Variants in PLCG2 observed in about 807,000 individuals in gnomAD.
PLCG2 encodes the protein phospholipase C gamma 2.
A neutral mutation model predicts 175.6 loss-of-function variants in PLCG2; 69 were observed. That is an observed-to-expected ratio of 0.39 (90% CI 0.32 to 0.48). The LOEUF (loss-of-function observed/expected upper bound fraction) is 0.48. Ranked by LOEUF, PLCG2 falls within the 20% of genes least tolerant of loss-of-function variation. The probability of loss-of-function intolerance (pLI) is 0.91; values close to 1 mark genes in which losing one functional copy is unlikely to be tolerated. For missense variants in PLCG2, 1,798 were observed against 1,650.9 expected (o/e 1.09, Z -1.54); for synonymous variants, 827 against 624.0 (o/e 1.33, Z -4.85).
chr16:81,907,227 G>C (rs1909412797), intron 15 of PLCG2, among the ~76,000 whole-genome samples: 1 of 151,896 alleles, frequency 6.6e-6, no homozygotes, highest in African/African-American at 2.4e-5. Flanking sequence ...CGTCATGCAT[G>C]ACAATAAAAC....
At chr16:81,783,470 T>G (rs4338799) in intron 1 of PLCG2, among the ~76,000 whole-genome samples, 152,174 of 152,266 alleles carry the variant, frequency 1, 76,041 homozygotes, top group Non-Finnish European at 1. Context: ...CTTTTGAGAG[T>G]GGCAAGTACT....
At chr16:81,866,217 A>G (rs1907227413) in intron 5 of PLCG2, among the ~76,000 whole-genome samples, 1 of 111,324 alleles carries the variant, frequency 9.0e-6, no homozygotes, top group African/African-American at 3.7e-5. Flanking sequence ...CACCAGCATG[A>G]GAGGACGCTG....
At chr16:81,812,751 G>T (rs939880259) in intron 2 of PLCG2, among the ~76,000 whole-genome samples, 1 of 152,194 alleles carries the variant, frequency 6.6e-6, no homozygotes, top group East Asian at 1.9e-4. Context: ...CTTTGCCCAT[G>T]CCTATGTCCT....
intron 2 of PLCG2, among the ~76,000 whole-genome samples, chr16:81,766,102 C>G (rs77678007): frequency 6.6e-6 from 1 of 152,190 alleles, no homozygotes; most frequent in South Asian, 2.1e-4. Context: ...ATCTCTGTGT[C>G]CTGTCTCCTG....
chr16:81,794,717 G>A (rs1305774418), intron 2 of PLCG2, among the ~76,000 whole-genome samples: 3 of 152,212 alleles, frequency 2.0e-5, no homozygotes, highest in Non-Finnish European at 4.4e-5. Flanking sequence ...CAGAGGATGT[G>A]CTTAAGTATT....
At chr16:81,806,599 T>C (rs1035080560) in intron 2 of PLCG2, among the ~76,000 whole-genome samples, 1 of 152,036 alleles carries the variant, frequency 6.6e-6, no homozygotes, top group African/African-American at 2.4e-5. Context: ...TACATGATCA[T>C]AGGATAGCCT....
intron 1 of PLCG2, among the ~76,000 whole-genome samples, chr16:81,780,177 C>T (rs1448972339): frequency 1.3e-5 from 2 of 152,012 alleles, no homozygotes; most frequent in Non-Finnish European, 2.9e-5. Flanking sequence ...GGTGACATGG[C>T]GCGAGGGAAA....
At chr16:81,764,775 C>G (rs764160406) in intron 2 of PLCG2, among the ~76,000 whole-genome samples, 6 of 152,152 alleles carry the variant, frequency 3.9e-5, no homozygotes, top group Non-Finnish European at 8.8e-5. Context: ...AATATGTGGT[C>G]ATACTGCATT....
chr16:81,825,831 G>A (rs1293170617), intron 2 of PLCG2, among the ~76,000 whole-genome samples: 3 of 152,172 alleles, frequency 2.0e-5, no homozygotes, highest in Non-Finnish European at 4.4e-5. Context: ...GCAAGGTCTT[G>A]TCCTTCAGGG....
chr16:81,959,506 A>G lies in PLCG2; in HGVS notation c.*1508A>G, dbSNP rs1344413385. ...CAATCATCTCCATCCACAAGCTCCT[A>G]AAAGAAAGCCATTTACCTCGCTTGA... On this transcript the variant is annotated 3_prime_UTR_variant, in exon 33 of 33. Transcript: ENST00000564138. 4.7e-6 allele frequency: 1 copy of G among 212,382 alleles called. No homozygotes were observed. The highest frequency in any genetic ancestry group is 2.3e-5 in the African/African-American group (1 of 44,206). 13.2% of individuals were successfully genotyped at this position (212,382 alleles called of 1,614,324 possible).
In PLCG2 at chr16:81,800,740, A is replaced by C. The variant is rs146265147; in HGVS notation, c.193+14558A>C. 2.1e-3 allele frequency among the ~76,000 whole-genome samples: 319 copies of C among 152,172 alleles called. 2 individuals are homozygous for C. Among genetic ancestry groups the C allele is most frequent in the Non-Finnish European group, 3.5e-3 (238 of 68,022 alleles). On this transcript the variant is annotated intron_variant, in intron 2 of 32. Transcript: ENST00000564138. ...GCAGAATAAACGCTCTCTGCTCCCA[A>C]GATGCCCTTGTCTTAATCCCTGGAG...
At chr16:81,926,215 A>T (rs965035492) in intron 22 of PLCG2, among the ~76,000 whole-genome samples, 3 of 152,216 alleles carry the variant, frequency 2.0e-5, no homozygotes, top group African/African-American at 7.2e-5. Context: ...GATGTCTGGG[A>T]GTCCTGGGGT....
At chr16:81,828,748 G>C (rs767380509) in intron 2 of PLCG2, among the ~76,000 whole-genome samples, 12 of 152,312 alleles carry the variant, frequency 7.9e-5, no homozygotes, top group South Asian at 2.1e-4. Flanking sequence ...CGAAGCTGCT[G>C]TGATGATTGA....
chr16:81,922,021 A>C (rs535021252), intron 21 of PLCG2, among the ~76,000 whole-genome samples: 1 of 152,356 alleles, frequency 6.6e-6, no homozygotes, highest in South Asian at 2.1e-4. Context: ...TGTTTTGGCG[A>C]TGAGAACAGT....
At chr16:81,897,548 C>CTTTTTTTTTTTT (rs10710027) in intron 13 of PLCG2, among the ~76,000 whole-genome samples, 2 of 128,678 alleles carry the variant, frequency 1.6e-5, no homozygotes, top group Admixed American at 8.3e-5. Flanking sequence ...CTTTTCTTTT[C>CTTTTTTTTTTTT]TTTTTTTTTT....
intron 12 of PLCG2, 184 bp from the exon 13 acceptor site, chr16:81,895,623 G>T: frequency 1.7e-6 from 1 of 588,368 alleles, no homozygotes; most frequent in South Asian, 2.1e-5. Context: ...AGCTGCACTT[G>T]CATTATGTAA....
rs763763571 is a variant in PLCG2 at position 81,938,877 on chromosome 16, C to A, written c.3275C>A (p.Ala1092Asp). 2 of 1,612,038 alleles carry A rather than the reference C, an allele frequency of 1.2e-6. No individual in the cohort carries two copies. Among genetic ancestry groups the A allele is most frequent in the Non-Finnish European group, 1.7e-6 (2 of 1,178,884 alleles). Residue 1092 changes from alanine to aspartate, a missense_variant, in exon 29 of 33, where the codon GCC (alanine) becomes GAC (aspartate). Physicochemically the swap from Ala to Asp is moderately radical, Grantham distance 126. Coordinates refer to ENST00000564138, the MANE Select transcript of PLCG2 (RefSeq NM_002661.5). ...TTTGTAGAAGTGGAGATCTGTGGAG[C>A]CGAGTATGACAACAACAAGTTCAAG... ...CPFVEVEICG[A>D]EYDNNKFKTT...
chr16:81,913,310 C>G (rs1225257994), intron 19 of PLCG2, among the ~76,000 whole-genome samples: 1 of 152,220 alleles, frequency 6.6e-6, no homozygotes, highest in African/African-American at 2.4e-5. Context: ...TGGTAACAGT[C>G]TGCTATATGT....
At chr16:81,766,023 G>A (rs1910142250) in intron 2 of PLCG2, among the ~76,000 whole-genome samples, 1 of 151,920 alleles carries the variant, frequency 6.6e-6, no homozygotes, top group Admixed American at 6.5e-5. Context: ...TTTACTTTTT[G>A]TTTTTTAACT....
Sources: allele counts gnomAD v4.1 joint callset (sites outside exome capture counted in the v4.1 genomes callset), GRCh38; gene constraint gnomAD v4.1.1; transcripts MANE v1.5; gene names NCBI Gene and HGNC (gene_info 2026-07-23, HGNC 2026-07-21).